MPDZ: variants seen among roughly 807,000 people sequenced by gnomAD.
The protein encoded by MPDZ is multiple PDZ domain protein.
MPDZ carries 234 observed loss-of-function variants against 239.1 expected under a neutral mutation model. The observed-to-expected ratio is 0.98, with a 90% CI of 0.88 to 1.09. MPDZ has a LOEUF of 1.09. MPDZ is among the 50% of genes least tolerant of loss of function. The pLI is 0.00. For synonymous variants in MPDZ, 1,048 were observed against 881.3 expected, an observed-to-expected ratio of 1.19 and a Z score of -3.35; for missense variants, 3,175 against 2,510.0, an observed-to-expected ratio of 1.26 and a Z score of -5.66.
chr9:13,245,938 C>T (rs755843874), intron 3 of MPDZ, among the ~76,000 whole-genome samples: 22 of 152,220 alleles, frequency 1.4e-4, no homozygotes, highest in Non-Finnish European at 2.6e-4. Context: ...TCTCACTGGG[C>T]CAGTGGTATA....
rs182973957 is a variant in MPDZ, at chr9:13,127,392, C to A, written c.4465-620G>T. Among the ~76,000 whole-genome samples the A allele has an allele frequency of 3.2e-3, 490 of 152,390 alleles. 2 individuals are homozygous for A. The highest frequency in any genetic ancestry group is 0.011 in the African/African-American group (455 of 41,596). ...CTGGGGAGCTACACCTACTTCGCTA[C>A]ATTTTCCACATTTCCCTTTATCAAA... is the stretch of plus-strand genomic sequence containing the variant. On this transcript the variant is annotated intron_variant, in intron 32 of 46. Coordinates refer to ENST00000319217, the MANE Select transcript of MPDZ (RefSeq NM_001378778.1).
chr9:13,267,269 C>T (rs773627544), intron 1 of MPDZ, among the ~76,000 whole-genome samples: 1 of 152,060 alleles, frequency 6.6e-6, no homozygotes, highest in Admixed American at 6.6e-5. Context: ...GAAATGAAAC[C>T]ATTTGTTTAT....
At chr9:13,117,367 CA>C (rs1375206800) in intron 39 of MPDZ, among the ~76,000 whole-genome samples, 1 of 151,616 alleles carries the variant, frequency 6.6e-6, no homozygotes, top group Middle Eastern at 3.2e-3. Context: ...CTGCCTCTAC[CA>C]AAAATACAAA....
intron 39 of MPDZ, among the ~76,000 whole-genome samples, chr9:13,117,913 C>T (rs544901767): frequency 3.4e-4 from 50 of 146,240 alleles, no homozygotes; most frequent in Admixed American, 5.6e-4. Flanking sequence ...GATGCGATCT[C>T]GGCTTACTGC....
At chr9:13,247,989 G>A (rs1564126053) in intron 2 of MPDZ, among the ~76,000 whole-genome samples, 188 bp from the exon 3 acceptor site, 1 of 152,182 alleles carries the variant, frequency 6.6e-6, no homozygotes, top group Admixed American at 6.5e-5. Context: ...CACTTTGGGA[G>A]ACTGAGGCGG....
At chr9:13,191,951 T>G (rs1954985267) in intron 15 of MPDZ, among the ~76,000 whole-genome samples, 180 bp downstream of exon 15, 1 of 152,140 alleles carries the variant, frequency 6.6e-6, no homozygotes, top group South Asian at 2.1e-4. Flanking sequence ...TTGCCCAATT[T>G]CCCACAGCTA....
chr9:13,151,630 A>T (rs896275448), intron 24 of MPDZ, among the ~76,000 whole-genome samples: 6 of 152,006 alleles, frequency 3.9e-5, no homozygotes, highest in African/African-American at 1.4e-4. Flanking sequence ...GTTGCCTGGG[A>T]TGGGAAGAGA....
Position 13,237,362 on chromosome 9 carries a change from A to G in MPDZ, c.183+10273T>C, listed in dbSNP as rs115085076. On this transcript the variant is annotated intron_variant, in intron 3 of 46. Transcript: ENST00000319217. ...TGAGGTTGGAGGGTCACGGGAGCCC[A>G]AGAGGTCGAGGCTGCAGTGAGCCAT... Among the ~76,000 whole-genome samples, 703 of 149,198 alleles carry G rather than the reference A, an allele frequency of 4.7e-3. 6 individuals carry two copies. The highest frequency in any genetic ancestry group is 0.015 in the African/African-American group (622 of 40,532).
At position 13,107,032 on chromosome 9, in the gene MPDZ, G is replaced by A. The variant is rs1941573073; in HGVS notation, c.6146C>T (p.Thr2049Ile). 2 of 1,613,102 alleles carry A rather than the reference G, an allele frequency of 1.2e-6. No homozygotes were observed. The highest frequency in any genetic ancestry group is 3.3e-5 in the Admixed American group (2 of 59,998). ...AAGGATGGCAACAGCTTCTTCATGG[G>A]TGACTCCTTCTAGACTCTGCCCATT... ...AVNGQSLEGV[T>I]HEEAVAILKR... is the part of the protein sequence containing the mutation. Residue 2049 changes from threonine to isoleucine, a missense_variant, in exon 47 of 47, where the codon ACC (threonine) becomes ATC (isoleucine). Transcript: ENST00000319217.
In MPDZ at chr9:13,109,020, T is replaced by TG; in HGVS notation, c.5981dup (p.Asp1995ArgfsTer23). On this transcript the variant is annotated frameshift_variant, in exon 46 of 47. Transcript: ENST00000319217. LOFTEE classifies it high-confidence loss of function. ...CAACTATACTGAAGCCTAAGCCATC[T>TG]GGTCCTCGCTCTAGTGTAATAGACT... The TG allele has an allele frequency of 1.3e-6, 2 of 1,589,964 alleles. No individual in the cohort carries two copies. The highest frequency in any genetic ancestry group is 1.7e-6 in the Non-Finnish European group (2 of 1,166,432).
At chr9:13,114,946 T>C (rs1943145940) in intron 40 of MPDZ, among the ~76,000 whole-genome samples, 1 of 151,988 alleles carries the variant, frequency 6.6e-6, no homozygotes, top group Non-Finnish European at 1.5e-5. Context: ...ATAAAAAATT[T>C]GTTATCTTGG....
intron 3 of MPDZ, 36 bp downstream of exon 3, chr9:13,247,599 T>C (rs1395503405): frequency 2.5e-6 from 4 of 1,582,240 alleles, no homozygotes; most frequent in East Asian, 2.3e-5. Flanking sequence ...ATCTATGCCA[T>C]GTCGTGAATG....
chr9:13,174,848 C>T (rs551723550), intron 21 of MPDZ, among the ~76,000 whole-genome samples: 2 of 152,282 alleles, frequency 1.3e-5, no homozygotes, highest in South Asian at 2.1e-4. Flanking sequence ...TAGTACCCCG[C>T]CACCATCAAA....
In MPDZ at chr9:13,106,101, AT is replaced by A. The variant is rs1487516343; in HGVS notation, c.*863del. ...AACCAATTGCACAGCACACTAACACATTTTTAATGTTGCATCGGTTGTTAAA... is the reference window on the plus strand; with the variant it reads ...AACCAATTGCACAGCACACTAACACATTTTAATGTTGCATCGGTTGTTAAA... On this transcript the variant is annotated 3_prime_UTR_variant, in exon 47 of 47. Transcript: ENST00000319217. The A allele has an allele frequency of 1.3e-5, 2 of 152,162 alleles. No homozygotes were observed. The highest frequency in any genetic ancestry group is 2.9e-5 in the Non-Finnish European group (2 of 68,028). The allele number at this position is 152,162 out of a possible 1,614,324, so 9.4% of individuals were successfully genotyped here. A position where few individuals can be genotyped will look rare whatever the true frequency, so the allele number is the denominator to read the frequency against.
chr9:13,188,179 T>G (rs2134799467), intron 17 of MPDZ, among the ~76,000 whole-genome samples: 1 of 152,286 alleles, frequency 6.6e-6, no homozygotes, highest in African/African-American at 2.4e-5. Flanking sequence ...CCATATTCAT[T>G]TGAAAATATT....
At chr9:13,229,931 A>C (rs1961879774) in intron 3 of MPDZ, among the ~76,000 whole-genome samples, 2 of 152,168 alleles carry the variant, frequency 1.3e-5, no homozygotes, top group South Asian at 4.1e-4. Flanking sequence ...AAATAAGTCA[A>C]GGATACATAT....
chr9:13,115,950 CAAAAAAAAAAA>C (rs71491603), intron 39 of MPDZ, among the ~76,000 whole-genome samples: 2 of 40,616 alleles, frequency 4.9e-5, no homozygotes, highest in Non-Finnish European at 9.6e-5. Context: ...GACTCCACCT[CAAAAAAAAAAA>C]AAAAAAAAAA....
At chr9:13,247,488 G>T in intron 3 of MPDZ, 147 bp downstream of exon 3, 1 of 796,256 alleles carries the variant, frequency 1.3e-6, no homozygotes, top group Non-Finnish European at 1.9e-6. Context: ...AAAAGCCACA[G>T]TGAATCTGAA....
At chr9:13,273,451 G>C (rs1410683568) in intron 1 of MPDZ, among the ~76,000 whole-genome samples, 1 of 152,104 alleles carries the variant, frequency 6.6e-6, no homozygotes, top group Non-Finnish European at 1.5e-5. Flanking sequence ...AGCCACCTGA[G>C]TACACAATAT....
Sources: gnomAD v4.1 joint callset for allele counts (sites outside exome capture counted in the v4.1 genomes callset) on GRCh38, gnomAD v4.1.1 for gene constraint, MANE v1.5 for transcripts, NCBI Gene and HGNC (gene_info 2026-07-23, HGNC 2026-07-21) for gene names.